Variants in DOK6 observed in about 807,000 individuals in gnomAD.
The protein encoded by DOK6 is docking protein 6.
Under a neutral mutation model 44.0 loss-of-function variants are expected in DOK6, and 22 were observed. That is an observed-to-expected ratio of 0.50 (90% CI 0.36 to 0.71). The LOEUF is 0.71. DOK6 is among the 30% of genes least tolerant of loss of function. DOK6 has a pLI of 0.00. For synonymous variants in DOK6, 166 were observed against 145.5 expected (o/e 1.14, Z -1.01); for missense variants, 340 against 416.4 (o/e 0.82, Z 1.60).
chr18:69,796,707 A>G (rs1428765015), intron 7 of DOK6, among the ~76,000 whole-genome samples: 1 of 152,220 alleles, frequency 6.6e-6, no homozygotes, highest in Non-Finnish European at 1.5e-5. Flanking sequence ...GTGTACAAAT[A>G]CTAGACAAAG....
chr18:69,659,755 C>A (rs918840776), intron 3 of DOK6: 1 of 150,048 alleles, frequency 6.7e-6, no homozygotes, highest in Non-Finnish European at 1.5e-5. Context: ...TGAATAAATG[C>A]CAGATTTTAA....
intron 3 of DOK6, 58 bp downstream of exon 3, chr18:69,599,556 G>C: frequency 7.1e-7 from 1 of 1,413,620 alleles, no homozygotes; most frequent in Non-Finnish European, 9.9e-7. Flanking sequence ...TGAGACAATG[G>C]CCCAGGCGGA....
intron 7 of DOK6, among the ~76,000 whole-genome samples, chr18:69,792,929 C>T (rs560399180): frequency 2.6e-5 from 4 of 152,192 alleles, no homozygotes; most frequent in African/African-American, 9.6e-5. Flanking sequence ...TAGTAATGAT[C>T]TATTGAAACA....
intron 5 of DOK6, among the ~76,000 whole-genome samples, chr18:69,728,405 T>G (rs183712768): frequency 1.4e-3 from 213 of 152,336 alleles, no homozygotes; most frequent in South Asian, 7.7e-3. Context: ...TAGCTCTGAT[T>G]TATAGCAAAG....
chr18:69,580,211 A>G (rs568235373), intron 2 of DOK6, among the ~76,000 whole-genome samples: 2 of 152,236 alleles, frequency 1.3e-5, no homozygotes, highest in East Asian at 3.9e-4. Flanking sequence ...GTTTTCATCT[A>G]GTGGCTGTAG....
chr18:69,627,594 GCC>G (rs1568315631), intron 3 of DOK6, among the ~76,000 whole-genome samples: 2 of 151,974 alleles, frequency 1.3e-5, no homozygotes, highest in African/African-American at 4.8e-5. Context: ...GACTGCAGGC[GCC>G]CGCCACCACA....
Position 69,842,107 on chromosome 18 carries a change from G to A in DOK6, c.*724G>A, listed in dbSNP as rs1474499648. On this transcript the variant is annotated 3_prime_UTR_variant, in exon 8 of 8. Coordinates refer to ENST00000382713, the MANE Select transcript of DOK6 (RefSeq NM_152721.6). ...AATTTGGTGCATTAAAGTTAAGATT[G>A]TTATGTTGAATAGCTATTTTTAAAA... The A allele has an allele frequency of 7.1e-6, 1 of 141,288 alleles. No individual in the cohort carries two copies. Among genetic ancestry groups the A allele is most frequent in the Non-Finnish European group, 1.5e-5 (1 of 66,178 alleles). The allele number at this position is 141,288 out of a possible 1,614,324, so 8.8% of individuals were successfully genotyped here. A position where few individuals can be genotyped will look rare whatever the true frequency, so the allele number is the denominator to read the frequency against.
At chr18:69,565,733 C>G (rs1420285130) in intron 2 of DOK6, among the ~76,000 whole-genome samples, 1 of 152,082 alleles carries the variant, frequency 6.6e-6, no homozygotes, top group Non-Finnish European at 1.5e-5. Context: ...TGTCCAGTCA[C>G]TTACTAGCTC....
chr18:69,780,124 A>G (rs1980216569), intron 7 of DOK6, among the ~76,000 whole-genome samples: 1 of 152,220 alleles, frequency 6.6e-6, no homozygotes, highest in African/African-American at 2.4e-5. Flanking sequence ...ACAAAAGAAT[A>G]AAAGCATTAG....
At chr18:69,671,047 TG>T (rs1985787079) in intron 3 of DOK6, among the ~76,000 whole-genome samples, 3 of 152,138 alleles carry the variant, frequency 2.0e-5, no homozygotes, top group Admixed American at 1.3e-4. Context: ...GATCATTTAC[TG>T]GTGTCCATTT....
intron 1 of DOK6, among the ~76,000 whole-genome samples, chr18:69,540,244 C>T (rs981713245): frequency 6.6e-6 from 1 of 152,132 alleles, no homozygotes; most frequent in East Asian, 1.9e-4. Context: ...ATTAGAGATG[C>T]CACCTTTATC....
chr18:69,846,438 A>G lies in DOK6; in HGVS notation c.*5055A>G, dbSNP rs547164837. 7 of 152,162 alleles carry G rather than the reference A, an allele frequency of 4.6e-5. No homozygotes were observed. The East Asian group carries it at 1.2e-3, about 25-fold the overall frequency. The allele number at this position is 152,162 out of a possible 1,614,324, so 9.4% of individuals were successfully genotyped here. On this transcript the variant is annotated 3_prime_UTR_variant, in exon 8 of 8. Coordinates refer to ENST00000382713, the MANE Select transcript of DOK6 (RefSeq NM_152721.6). ...TGCCATATGGCCTCAAAATAAATAAACCCTTGTACATTTAAGTGTTTTCCC... is the reference window on the plus strand; with the variant it reads ...TGCCATATGGCCTCAAAATAAATAAGCCCTTGTACATTTAAGTGTTTTCCC...
chr18:69,655,477 G>A (rs900868910), intron 3 of DOK6, among the ~76,000 whole-genome samples: 2 of 152,060 alleles, frequency 1.3e-5, no homozygotes, highest in Non-Finnish European at 2.9e-5. Flanking sequence ...CAAAGGTTGG[G>A]CGCGGTGGCT....
At chr18:69,838,039 T>C (rs1262692618) in intron 7 of DOK6, among the ~76,000 whole-genome samples, 1 of 152,206 alleles carries the variant, frequency 6.6e-6, no homozygotes, top group Non-Finnish European at 1.5e-5. Context: ...TAATAGATGA[T>C]GGTTAATATT....
At chr18:69,448,663 C>T (rs1157992439) in intron 1 of DOK6, among the ~76,000 whole-genome samples, 11 of 152,112 alleles carry the variant, frequency 7.2e-5, no homozygotes, top group African/African-American at 1.7e-4. Flanking sequence ...TGTGAGCCAC[C>T]GTGCCCAGCC....
At chr18:69,811,297 G>A (rs1018246330) in intron 7 of DOK6, among the ~76,000 whole-genome samples, 3 of 151,918 alleles carry the variant, frequency 2.0e-5, no homozygotes, top group Non-Finnish European at 4.4e-5. Flanking sequence ...GGTTACTAGA[G>A]GCTGGTGGGG....
chr18:69,538,552 T>C (rs764093705), intron 1 of DOK6, among the ~76,000 whole-genome samples: 19 of 151,930 alleles, frequency 1.3e-4, no homozygotes, highest in Non-Finnish European at 1.9e-4. Context: ...CAGCTAACTT[T>C]TGCATTTTTG....
At chr18:69,612,217 T>TAAA (rs33970961) in intron 3 of DOK6, among the ~76,000 whole-genome samples, 151 of 149,714 alleles carry the variant, frequency 1.0e-3, no homozygotes, top group Middle Eastern at 3.5e-3. Flanking sequence ...ATATTTAAGT[T>TAAA]AAAAAAAACC....
intron 7 of DOK6, among the ~76,000 whole-genome samples, chr18:69,818,234 A>C (rs1472821164): frequency 6.6e-6 from 1 of 152,168 alleles, no homozygotes. Flanking sequence ...TGCACGTCCC[A>C]TTCCAATGCA....
Sources: gnomAD v4.1 joint callset for allele counts (sites outside exome capture counted in the v4.1 genomes callset) on GRCh38, gnomAD v4.1.1 for gene constraint, MANE v1.5 for transcripts, NCBI Gene and HGNC (gene_info 2026-07-23, HGNC 2026-07-21) for gene names.